GPC5: variants seen among roughly 807,000 people sequenced by gnomAD.
GPC5 encodes glypican-5.
In GPC5, 47 loss-of-function variants were observed where a neutral mutation model predicts 53.9. The ratio of observed to expected loss-of-function variants is 0.87; its 90% CI spans 0.69 to 1.11. The LOEUF is 1.11. Ranked by LOEUF, GPC5 falls within the 50% of genes most tolerant of loss-of-function variation. The pLI is 0.00. For synonymous variants in GPC5, 286 were observed against 263.3 expected, an observed-to-expected ratio of 1.09 and a Z score of -0.84; for missense variants, 748 against 713.1, an observed-to-expected ratio of 1.05 and a Z score of -0.56.
At chr13:91,849,493 A>C (rs938742608) in intron 5 of GPC5, among the ~76,000 whole-genome samples, 1 of 145,596 alleles carries the variant, frequency 6.9e-6, no homozygotes. Flanking sequence ...TTCTATATTC[A>C]GAGATTTTTT....
chr13:91,979,271 T>C (rs2040335891), intron 6 of GPC5, among the ~76,000 whole-genome samples: 1 of 152,134 alleles, frequency 6.6e-6, no homozygotes, highest in Non-Finnish European at 1.5e-5. Context: ...TTCAAAGCTA[T>C]GTGTTCAGAT....
intron 7 of GPC5, among the ~76,000 whole-genome samples, chr13:92,381,889 T>TATATATATCATATATATGA (rs753025655): frequency 2.5e-5 from 3 of 122,178 alleles, no homozygotes; most frequent in Non-Finnish European, 3.4e-5. Context: ...ATTATATATA[T>TATATATATCATATATATGA]TATATATAAT....
intron 2 of GPC5, among the ~76,000 whole-genome samples, chr13:91,678,031 A>C (rs1306936393): frequency 6.6e-6 from 1 of 152,178 alleles, no homozygotes; most frequent in African/African-American, 2.4e-5. Context: ...AAAGAATTAC[A>C]ATTTTTTTCT....
chr13:91,600,714 A>T (rs1166937134), intron 2 of GPC5, among the ~76,000 whole-genome samples: 3 of 152,104 alleles, frequency 2.0e-5, no homozygotes, highest in African/African-American at 7.2e-5. Flanking sequence ...AATAATTCTT[A>T]TAGCAAACCC....
At chr13:92,426,701 G>A (rs1319939408) in intron 7 of GPC5, among the ~76,000 whole-genome samples, 1 of 151,786 alleles carries the variant, frequency 6.6e-6, no homozygotes, top group Non-Finnish European at 1.5e-5. Context: ...CTTATGCTTT[G>A]ATTACATATA....
chr13:92,805,098 G>A (rs1335455529), intron 7 of GPC5, among the ~76,000 whole-genome samples: 3 of 151,962 alleles, frequency 2.0e-5, no homozygotes, highest in Non-Finnish European at 2.9e-5. Context: ...ATGAAGGTTG[G>A]AATCAACTTC....
intron 7 of GPC5, among the ~76,000 whole-genome samples, chr13:92,785,078 C>G (rs1423022638): frequency 6.6e-6 from 1 of 151,962 alleles, no homozygotes; most frequent in Non-Finnish European, 1.5e-5. Flanking sequence ...GGAGTTGACA[C>G]CAGCCTGGCC....
At chr13:91,449,050 GT>G in intron 2 of GPC5, 128 bp downstream of exon 2, 1 of 1,076,716 alleles carries the variant, frequency 9.3e-7, no homozygotes, top group South Asian at 1.6e-5. Context: ...ATAAAATGAG[GT>G]TTTAACTTTT....
chr13:92,758,209 A>C (rs1874985132), intron 7 of GPC5, among the ~76,000 whole-genome samples: 1 of 146,154 alleles, frequency 6.8e-6, no homozygotes, highest in Admixed American at 6.9e-5. Flanking sequence ...GGAAATCATC[A>C]TTCTCAGTAA....
intron 7 of GPC5, among the ~76,000 whole-genome samples, chr13:92,778,872 T>C (rs1875916817): frequency 6.6e-6 from 1 of 152,184 alleles, no homozygotes; most frequent in African/African-American, 2.4e-5. Context: ...CTTGTTTCTG[T>C]ATGTACCTGC....
At chr13:92,803,552 A>G (rs1876985346) in intron 7 of GPC5, among the ~76,000 whole-genome samples, 1 of 151,888 alleles carries the variant, frequency 6.6e-6, no homozygotes, top group South Asian at 2.1e-4. Context: ...CTCTTGCTCT[A>G]GTCTCCTCGA....
intron 6 of GPC5, among the ~76,000 whole-genome samples, chr13:91,963,558 G>T (rs572091699): frequency 9.9e-5 from 15 of 151,396 alleles, no homozygotes; most frequent in Admixed American, 3.3e-4. Flanking sequence ...GTCATATGTA[G>T]CAGAGACACA....
intron 7 of GPC5, among the ~76,000 whole-genome samples, chr13:92,660,554 T>C (rs777713860): frequency 2.0e-5 from 3 of 147,580 alleles, no homozygotes; most frequent in Non-Finnish European, 4.5e-5. Context: ...AATTATGTAC[T>C]ATTCTCTTTT....
intron 5 of GPC5, among the ~76,000 whole-genome samples, chr13:91,802,445 G>A (rs553519008): frequency 2.6e-5 from 4 of 152,186 alleles, no homozygotes; most frequent in African/African-American, 7.2e-5. Context: ...CCCAAAGTGA[G>A]CAGCAGCAAG....
intron 2 of GPC5, among the ~76,000 whole-genome samples, chr13:91,515,740 G>A (rs1447830293): frequency 6.7e-6 from 1 of 150,048 alleles, no homozygotes; most frequent in African/African-American, 2.4e-5. Context: ...CTCCCATTTG[G>A]GATAGTCTTC....
chr13:92,541,440 A>G (rs898572480), intron 7 of GPC5, among the ~76,000 whole-genome samples: 2 of 151,914 alleles, frequency 1.3e-5, no homozygotes, highest in African/African-American at 4.8e-5. Context: ...AAAAGTTAAT[A>G]CATTGATAAT....
chr13:92,433,585 G>A (rs1295620196), intron 7 of GPC5, among the ~76,000 whole-genome samples: 1 of 152,126 alleles, frequency 6.6e-6, no homozygotes, highest in Non-Finnish European at 1.5e-5. Flanking sequence ...AGGATGTCAA[G>A]CAGCTCAGAT....
At chr13:91,535,744 A>G (rs1886562982) in intron 2 of GPC5, among the ~76,000 whole-genome samples, 2 of 152,094 alleles carry the variant, frequency 1.3e-5, no homozygotes, top group Non-Finnish European at 1.5e-5. Context: ...CTTTAGGGAG[A>G]GGGTAACAGG....
intron 7 of GPC5, among the ~76,000 whole-genome samples, chr13:92,741,920 C>G (rs981390966): frequency 6.6e-6 from 1 of 151,894 alleles, no homozygotes; most frequent in Admixed American, 6.6e-5. Flanking sequence ...TGAACCCATC[C>G]TTTTTATGGC....
Sources: allele counts gnomAD v4.1 joint callset (sites outside exome capture counted in the v4.1 genomes callset), GRCh38; gene constraint gnomAD v4.1.1; transcripts MANE v1.5; gene names NCBI Gene and HGNC (gene_info 2026-07-23, HGNC 2026-07-21).